DOCK1: variants seen among roughly 807,000 people sequenced by gnomAD.
DOCK1 encodes the protein dedicator of cytokinesis protein 1.
A neutral mutation model predicts 262.7 loss-of-function variants in DOCK1; 138 were observed. The ratio of observed to expected loss-of-function variants is 0.53; its 90% CI spans 0.46 to 0.61. The LOEUF (loss-of-function observed/expected upper bound fraction) is 0.61, where lower values mean the gene tolerates loss of function less well. DOCK1 is among the 20% of genes least tolerant of loss of function. The pLI is 0.00. For missense variants in DOCK1, 1,908 were observed against 2,370.7 expected, an observed-to-expected ratio of 0.80 and a Z score of 4.05; for synonymous variants, 866 against 867.4, an observed-to-expected ratio of 1.00 and a Z score of 0.03.
At chr10:126,990,386 C>T (rs2134998844) in intron 5 of DOCK1, 69 bp from the exon 6 acceptor site, 1 of 1,451,132 alleles carries the variant, frequency 6.9e-7, no homozygotes, top group East Asian at 2.5e-5. Context: ...GAAGAGATAG[C>T]CATTCTCTAC....
rs901389205 is a variant in DOCK1 at position 126,964,163 on chromosome 10, C to T, written c.47-6539C>T. Among the ~76,000 whole-genome samples the T allele has an allele frequency of 7.9e-3, 1,199 of 152,346 alleles. 10 individuals carry two copies. The highest frequency in any genetic ancestry group is 0.015 in the Admixed American group (231 of 15,306). On this transcript the variant is annotated intron_variant, in intron 1 of 51. Transcript: ENST00000623213. ...CCAAGTTGCTATAAACGGCTGGTCT[C>T]TGCCCCAGGGTCAAGTTGAAAGGGT... is the stretch of plus-strand genomic sequence containing the variant.
intron 3 of DOCK1, among the ~76,000 whole-genome samples, chr10:126,978,935 C>T (rs148330603): frequency 7.9e-5 from 12 of 152,212 alleles, no homozygotes; most frequent in South Asian, 2.1e-4. Flanking sequence ...GTCATCCTCT[C>T]GCAACACCAG....
intron 48 of DOCK1, among the ~76,000 whole-genome samples, chr10:127,436,763 A>G (rs1439809370): frequency 6.6e-6 from 1 of 152,146 alleles, no homozygotes; most frequent in East Asian, 1.9e-4. Flanking sequence ...AACTATAGTA[A>G]TATAGTTTAT....
chr10:127,186,525 G>GCC (rs1187468492), intron 27 of DOCK1, among the ~76,000 whole-genome samples: 35 of 26,270 alleles, frequency 1.3e-3, no homozygotes, highest in Non-Finnish European at 2.1e-3. Flanking sequence ...GCCCCCCCCC[G>GCC]ATCCAGTTAC....
intron 22 of DOCK1, among the ~76,000 whole-genome samples, chr10:127,060,804 G>A (rs964834153): frequency 2.6e-5 from 4 of 152,034 alleles, no homozygotes; most frequent in African/African-American, 7.2e-5. Context: ...AAATGAATGC[G>A]TTTGTAAAGC....
At chr10:126,981,041 G>C (rs564357660) in intron 3 of DOCK1, among the ~76,000 whole-genome samples, 2 of 148,042 alleles carry the variant, frequency 1.4e-5, no homozygotes, top group South Asian at 2.2e-4. Context: ...TCCACTTCCC[G>C]GGTTCAAGCG....
At chr10:127,434,404 G>C (rs1049279192) in intron 48 of DOCK1, among the ~76,000 whole-genome samples, 1 of 152,092 alleles carries the variant, frequency 6.6e-6, no homozygotes, top group African/African-American at 2.4e-5. Flanking sequence ...TGTGATCACA[G>C]CTCACTGCAG....
intron 29 of DOCK1, among the ~76,000 whole-genome samples, chr10:127,262,389 A>G (rs568118790): frequency 1.3e-5 from 2 of 152,280 alleles, no homozygotes; most frequent in Admixed American, 1.3e-4. Context: ...CAGTTGACAC[A>G]TTCAGCAGAA....
intron 29 of DOCK1, among the ~76,000 whole-genome samples, chr10:127,260,191 G>C (rs1184749613): frequency 1.3e-5 from 2 of 152,208 alleles, no homozygotes; most frequent in Admixed American, 6.5e-5. Context: ...CAGCAGGTTG[G>C]TACAGTGGCA....
chr10:127,108,183 A>G (rs2136232299), intron 24 of DOCK1, among the ~76,000 whole-genome samples: 1 of 152,370 alleles, frequency 6.6e-6, no homozygotes, highest in Non-Finnish European at 1.5e-5. Context: ...TCATGTTTTA[A>G]TAAACAGAAG....
chr10:127,362,123 A>G lies in DOCK1; in HGVS notation c.3343A>G (p.Ile1115Val). 1.9e-6 allele frequency: 3 copies of G among 1,613,896 alleles called. No homozygotes were observed. The highest frequency in any genetic ancestry group is 2.5e-6 in the Non-Finnish European group (3 of 1,179,866). The change falls in exon 33 of 52, where the codon ATT becomes GTT. Residue 1115 changes from isoleucine (I) to valine (V), a missense_variant. Ile to Val is a conservative substitution (Grantham distance 29). Transcript: ENST00000623213. ...GGGCCCAATATTAGAAATGACATTA[A>G]TTCCCGAGACGGAGCTGCGCAAAGC... ...MVGPILEMTL[I>V]PETELRKATI...
At chr10:126,993,981 A>G (rs1246602876) in intron 6 of DOCK1, among the ~76,000 whole-genome samples, 1 of 152,234 alleles carries the variant, frequency 6.6e-6, no homozygotes, top group African/African-American at 2.4e-5. Context: ...TTGTAACTAT[A>G]AAGATGTTCT....
chr10:127,167,714 T>C (rs1420431643), intron 27 of DOCK1, among the ~76,000 whole-genome samples: 1 of 152,058 alleles, frequency 6.6e-6, no homozygotes, highest in African/African-American at 2.4e-5. Flanking sequence ...TGACGCTACA[T>C]CAGCTCCCCT....
intron 27 of DOCK1, among the ~76,000 whole-genome samples, chr10:127,178,457 G>A (rs895972942): frequency 1.3e-5 from 2 of 152,128 alleles, no homozygotes; most frequent in Admixed American, 6.6e-5. Flanking sequence ...AAGTAGCACC[G>A]CTCCCTCCCA....
In DOCK1 at chr10:127,234,483, A is replaced by T. The variant is rs115037920; in HGVS notation, c.2848-13525A>T. Among the ~76,000 whole-genome samples the T allele has an allele frequency of 6.1e-3, 928 of 152,304 alleles. 15 individuals are homozygous for T. Among genetic ancestry groups the T allele is most frequent in the African/African-American group, 0.021 (883 of 41,578 alleles). On this transcript the variant is annotated intron_variant, in intron 27 of 51. Coordinates refer to ENST00000623213, the MANE Select transcript of DOCK1 (RefSeq NM_001290223.2). The stretch of plus-strand genomic sequence containing the variant: ...GTTAAAGATCCGTATGATGAAAACC[A>T]CAAAACATTCCTGAAATGGCATAAA...
At chr10:127,171,633 C>G (rs982135135) in intron 27 of DOCK1, among the ~76,000 whole-genome samples, 3 of 152,146 alleles carry the variant, frequency 2.0e-5, no homozygotes, top group African/African-American at 7.2e-5. Context: ...CTGACTTTCC[C>G]CAGCTTCAAG....
At chr10:126,938,755 C>T (rs1048349838) in intron 1 of DOCK1, among the ~76,000 whole-genome samples, 57 of 144,954 alleles carry the variant, frequency 3.9e-4, no homozygotes, top group Admixed American at 3.3e-3. Flanking sequence ...GGATGAACAC[C>T]GGAGGGGATG....
chr10:127,337,403 C>T (rs2063248815), intron 29 of DOCK1, among the ~76,000 whole-genome samples: 1 of 152,228 alleles, frequency 6.6e-6, no homozygotes, highest in Non-Finnish European at 1.5e-5. Context: ...ATATGCAAAG[C>T]ATGTCCTGAA....
At chr10:127,307,301 T>A (rs979701615) in intron 29 of DOCK1, among the ~76,000 whole-genome samples, 3 of 152,188 alleles carry the variant, frequency 2.0e-5, no homozygotes, top group African/African-American at 7.2e-5. Context: ...TGAAACATCA[T>A]GCTGCCATGT....
Sources: allele counts gnomAD v4.1 joint callset (sites outside exome capture counted in the v4.1 genomes callset), GRCh38; gene constraint gnomAD v4.1.1; transcripts MANE v1.5; gene names NCBI Gene and HGNC (gene_info 2026-07-23, HGNC 2026-07-21).